Variants in PSPH observed in about 807,000 individuals in gnomAD.
PSPH encodes the protein phosphoserine phosphatase.
A neutral mutation model predicts 23.4 loss-of-function variants in PSPH; 16 were observed. The observed-to-expected ratio is 0.68, with a 90% confidence interval of 0.46 to 1.04. The LOEUF is 1.04. PSPH is among the 50% of genes least tolerant of loss of function. The pLI is 0.00. For missense variants in PSPH, 223 were observed against 273.7 expected (o/e 0.81, Z 1.31); for synonymous variants, 68 against 99.7 (o/e 0.68, Z 1.89).
intron 3 of PSPH, among the ~76,000 whole-genome samples, chr7:56,029,919 G>A (rs1273722254): frequency 1.3e-5 from 2 of 149,544 alleles, no homozygotes; most frequent in Non-Finnish European, 3.0e-5. Flanking sequence ...AGAGGTTGCA[G>A]TGAGCCGAGA....
intron 1 of PSPH, among the ~76,000 whole-genome samples, chr7:56,050,609 C>G (rs1250960781): frequency 6.6e-6 from 1 of 152,096 alleles, no homozygotes; most frequent in Non-Finnish European, 1.5e-5. Context: ...GCTGCTGTTA[C>G]CGAGGACTTC....
intron 3 of PSPH, among the ~76,000 whole-genome samples, chr7:56,021,611 T>G (rs1789463725): frequency 1.3e-5 from 2 of 149,638 alleles, no homozygotes; most frequent in African/African-American, 2.4e-5. Context: ...ATATAGTTGT[T>G]TTTTTTTTTT....
At position 56,046,101 on chromosome 7, in the gene PSPH, A is replaced by G. The variant is rs1425978754; in HGVS notation, c.-292+5037T>C. 1.5e-4 allele frequency among the ~76,000 whole-genome samples: 23 copies of G among 151,744 alleles called. 1 individual carries two copies. Among genetic ancestry groups the G allele is most frequent in the Non-Finnish European group, 1.5e-5 (1 of 67,958 alleles). On this transcript the variant is annotated intron_variant, in intron 1 of 7. Transcript: ENST00000275605. ...AAGGAACACTCAGCTCGGGGAATCT[A>G]TTGCTTTTGTTGTTGTTGTTTTATT...
chr7:56,037,511 T>G (rs1791874689), intron 1 of PSPH, among the ~76,000 whole-genome samples: 1 of 151,600 alleles, frequency 6.6e-6, no homozygotes, highest in South Asian at 2.1e-4. Context: ...TTCGAACTCC[T>G]GGGCTCAAGC....
At chr7:56,018,358 C>A (rs1404858447) in intron 5 of PSPH, among the ~76,000 whole-genome samples, 23 of 149,964 alleles carry the variant, frequency 1.5e-4, no homozygotes, top group Middle Eastern at 3.4e-3. Flanking sequence ...ACAACAACAA[C>A]AAAAAAAAAA....
chr7:56,025,000 C>T (rs936079921), intron 3 of PSPH, among the ~76,000 whole-genome samples: 2 of 151,604 alleles, frequency 1.3e-5, no homozygotes, highest in African/African-American at 2.4e-5. Flanking sequence ...GATGGGGTTT[C>T]ACCATGTTGG....
Position 56,011,539 on chromosome 7 carries a change from A to C in PSPH, c.*223T>G. 1 of 305,066 alleles carries C rather than the reference A, an allele frequency of 3.3e-6. No individual in the cohort carries two copies. The highest frequency in any genetic ancestry group is 6.2e-6 in the Non-Finnish European group (1 of 160,560). 18.9% of individuals were successfully genotyped at this position (305,066 alleles called of 1,614,324 possible). ...GCAAGATTCTGTCTCAAAAAAAAAA[A>C]AAACCTCTCCAGGAAATCAATAGTC... is the stretch of plus-strand genomic sequence containing the variant. On this transcript the variant is annotated 3_prime_UTR_variant, in exon 8 of 8. Coordinates refer to ENST00000275605, the MANE Select transcript of PSPH (RefSeq NM_004577.4).
At chr7:56,020,921 AT>A in intron 4 of PSPH, 151 bp downstream of exon 4, 1 of 848,970 alleles carries the variant, frequency 1.2e-6, no homozygotes, top group Non-Finnish European at 1.8e-6. Context: ...AAATATTTAT[AT>A]AAATGAATGA....
intron 7 of PSPH, among the ~76,000 whole-genome samples, chr7:56,013,212 T>C (rs1562780560): frequency 6.7e-6 from 1 of 149,822 alleles, no homozygotes; most frequent in Non-Finnish European, 1.5e-5. Flanking sequence ...GCATTGATTT[T>C]AAAATGCTTA....
chr7:56,033,830 G>C (rs1302925518), intron 2 of PSPH, 131 bp downstream of exon 2: 1 of 152,180 alleles, frequency 6.6e-6, no homozygotes, highest in Admixed American at 6.6e-5. Flanking sequence ...AGAAAGCCTG[G>C]AGATTTTAGG....
intron 1 of PSPH, among the ~76,000 whole-genome samples, chr7:56,034,676 C>T (rs1285073303): frequency 1.3e-5 from 2 of 152,046 alleles, no homozygotes; most frequent in Non-Finnish European, 2.9e-5. Flanking sequence ...CCACCACGCC[C>T]GGCTAATTTT....
At chr7:56,039,775 A>G (rs1314108296) in intron 1 of PSPH, among the ~76,000 whole-genome samples, 1 of 80,630 alleles carries the variant, frequency 1.2e-5, no homozygotes, top group Non-Finnish European at 2.7e-5. Context: ...ACTCTGTCTC[A>G]AAAAAAAAAA....
intron 3 of PSPH, among the ~76,000 whole-genome samples, chr7:56,030,938 G>A (rs1411787285): frequency 2.5e-4 from 38 of 151,858 alleles, no homozygotes; most frequent in African/African-American, 8.2e-4. Context: ...GGGGCCGGGC[G>A]CGGTGGCTCA....
chr7:56,038,698 TGCACACACCTCGAG>T (rs202131596), intron 1 of PSPH, among the ~76,000 whole-genome samples: 8 of 151,750 alleles, frequency 5.3e-5, no homozygotes, highest in African/African-American at 1.7e-4. Flanking sequence ...TAGCTGGACG[TGCACACACCTCGAG>T]GCACACACCT....
chr7:56,043,847 G>C (rs1792883490), intron 1 of PSPH, among the ~76,000 whole-genome samples: 1 of 152,186 alleles, frequency 6.6e-6, no homozygotes, highest in East Asian at 1.9e-4. Flanking sequence ...AATGAATAAA[G>C]TTATGAGCCA....
At chr7:56,044,507 T>C (rs559893907) in intron 1 of PSPH, among the ~76,000 whole-genome samples, 1 of 152,288 alleles carries the variant, frequency 6.6e-6, no homozygotes, top group East Asian at 1.9e-4. Context: ...TGCAGGCTGT[T>C]TCATCTATAA....
intron 1 of PSPH, among the ~76,000 whole-genome samples, chr7:56,036,615 C>A (rs1408852322): frequency 1.3e-5 from 2 of 151,738 alleles, no homozygotes; most frequent in Non-Finnish European, 2.9e-5. Context: ...GGTAACAGAG[C>A]AAGCCCTTGT....
At chr7:56,014,150 A>G (rs570651744) in intron 7 of PSPH, among the ~76,000 whole-genome samples, 3 of 152,250 alleles carry the variant, frequency 2.0e-5, no homozygotes, top group Admixed American at 6.5e-5. Context: ...ACAAAACATA[A>G]TATTTGACTT....
intron 5 of PSPH, among the ~76,000 whole-genome samples, chr7:56,017,829 T>G (rs1788783167): frequency 6.6e-6 from 1 of 151,628 alleles, no homozygotes; most frequent in Non-Finnish European, 1.5e-5. Flanking sequence ...TTCAAGCGAT[T>G]CTCTTGTGTC....
Sources: allele counts gnomAD v4.1 joint callset (sites outside exome capture counted in the v4.1 genomes callset), GRCh38; gene constraint gnomAD v4.1.1; transcripts MANE v1.5; gene names NCBI Gene and HGNC (gene_info 2026-07-23, HGNC 2026-07-21).